CENPE: variants seen among roughly 807,000 people sequenced by gnomAD.
The protein encoded by CENPE is centromere-associated protein E.
CENPE carries 145 observed loss-of-function variants against 336.1 expected under a neutral mutation model. That is an observed-to-expected ratio of 0.43 (90% CI 0.38 to 0.50). CENPE has a LOEUF of 0.50. Among genes scored for constraint, CENPE ranks in the 20% least tolerant of loss-of-function variants. CENPE has a pLI of 0.00. For synonymous variants in CENPE, 1,013 were observed against 984.8 expected, an observed-to-expected ratio of 1.03 and a Z score of -0.54; for missense variants, 2,719 against 3,023.3, an observed-to-expected ratio of 0.90 and a Z score of 2.36.
intron 42 of CENPE, among the ~76,000 whole-genome samples, chr4:103,125,348 A>G (rs1410551522): frequency 6.6e-6 from 1 of 152,214 alleles, no homozygotes. Context: ...TGTTTTACCA[A>G]TGAAACAGAG....
intron 42 of CENPE, among the ~76,000 whole-genome samples, chr4:103,131,549 T>C (rs1751589054): frequency 6.6e-6 from 1 of 152,172 alleles, no homozygotes; most frequent in Non-Finnish European, 1.5e-5. Flanking sequence ...TCTGGCAGTT[T>C]ATTACAAAAC....
chr4:103,133,214 T>C (rs1395584088), intron 41 of CENPE, among the ~76,000 whole-genome samples: 1 of 151,966 alleles, frequency 6.6e-6, no homozygotes, highest in Non-Finnish European at 1.5e-5. Flanking sequence ...CTGAAGTGCA[T>C]CTTAATTTTT....
intron 8 of CENPE, among the ~76,000 whole-genome samples, chr4:103,186,318 G>T (rs1218148942): frequency 6.6e-6 from 1 of 152,074 alleles, no homozygotes; most frequent in Non-Finnish European, 1.5e-5. Flanking sequence ...CAAGAACCAG[G>T]CACAAAGATT....
At chr4:103,190,505 T>C (rs1340673198) in intron 8 of CENPE, among the ~76,000 whole-genome samples, 3 of 152,212 alleles carry the variant, frequency 2.0e-5, no homozygotes, top group African/African-American at 7.2e-5. Flanking sequence ...TACAACTATC[T>C]GATCTTTGAC....
In CENPE at chr4:103,141,419, AT is replaced by A. The variant is rs112222964; in HGVS notation, c.5464-316del. ...GACAGCCACTATTCTGACCTTTATC[AT>A]CCTGGTTCAGTTTTGCCTGCTTTTG... On this transcript the variant is annotated intron_variant, in intron 35 of 48. Coordinates refer to ENST00000265148, the MANE Select transcript of CENPE (RefSeq NM_001813.3). 0.014 allele frequency among the ~76,000 whole-genome samples: 2,072 copies of A among 152,258 alleles called. 39 individuals are homozygous for A. The highest frequency in any genetic ancestry group is 0.044 in the African/African-American group (1,843 of 41,554).
Position 103,138,438 on chromosome 4 carries a change from G to T in CENPE, c.6216C>A (p.Asn2072Lys). 5.0e-6 allele frequency: 8 copies of T among 1,612,648 alleles called. No homozygotes were observed. Among genetic ancestry groups the T allele is most frequent in the Non-Finnish European group, 6.8e-6 (8 of 1,178,792 alleles). The change falls in exon 39 of 49, where the codon AAC becomes AAA. Residue 2072 changes from asparagine (N) to lysine (K), a missense_variant. By Grantham distance (94) the Asn-to-Lys change is moderately conservative. This residue lies in a region of CENPE where 2,437 missense variants were observed against 2,513.3 expected (regional missense o/e 0.97). Transcript: ENST00000265148. The part of the protein sequence containing the change: ...LREMIARDRQ[N>K]HQVKPEKRLL... Reference sequence around the variant, plus strand: ...ACCTTTTTTCAGGTTTTACTTGGTGGTTCTGTCGGTCCTGCTTTGGTAAAA... The same window carrying T: ...ACCTTTTTTCAGGTTTTACTTGGTGTTTCTGTCGGTCCTGCTTTGGTAAAA...
At chr4:103,192,692 T>C (rs1757456094) in intron 8 of CENPE, among the ~76,000 whole-genome samples, 1 of 152,206 alleles carries the variant, frequency 6.6e-6, no homozygotes, top group African/African-American at 2.4e-5. Flanking sequence ...CTGGTTTTAC[T>C]GGAAATAAGG....
Position 103,122,945 on chromosome 4 carries a change from C to G in CENPE, c.7069G>C (p.Ala2357Pro). The change falls in exon 43 of 49, where the codon GCC (alanine) becomes CCC (proline). Residue 2357 changes from alanine to proline, a missense_variant. Ala to Pro is a conservative substitution (Grantham distance 27, BLOSUM62 -1). Transcript: ENST00000265148. Reference sequence around the variant, plus strand: ...TCTTGTGTGGTAGGATTAACCTGGGCACCAGATGCCAAGGAAGTCTTCAAT... The same window carrying G: ...TCTTGTGTGGTAGGATTAACCTGGGGACCAGATGCCAAGGAAGTCTTCAAT... ...QTLKTSLASG[A>P]QVNPTTQDNK... 1 of 1,613,956 alleles carries G rather than the reference C, an allele frequency of 6.2e-7. No individual in the cohort carries two copies. Among genetic ancestry groups the G allele is most frequent in the Non-Finnish European group, 8.5e-7 (1 of 1,179,870 alleles).
At chr4:103,108,349 G>A (rs922198560) in intron 48 of CENPE, among the ~76,000 whole-genome samples, 1 of 151,832 alleles carries the variant, frequency 6.6e-6, no homozygotes, top group African/African-American at 2.4e-5. Context: ...TGTGCCACCA[G>A]GATCTAATCC....
intron 13 of CENPE, among the ~76,000 whole-genome samples, chr4:103,179,409 C>A (rs1756148692): frequency 6.6e-6 from 1 of 152,184 alleles, no homozygotes; most frequent in Admixed American, 6.5e-5. Flanking sequence ...GCAAGGAATG[C>A]ATAATGTTTC....
chr4:103,196,025 GGCAAATATAGTACCT>G lies in CENPE; in HGVS notation c.239-2_251del. 6.2e-7 allele frequency: 1 copy of G among 1,612,548 alleles called. No individual in the cohort carries two copies. The highest frequency in any genetic ancestry group is 8.5e-7 in the Non-Finnish European group (1 of 1,178,706). The stretch of plus-strand genomic sequence containing the variant: ...TTTTTCCTGAAGCAGTCTGTCCATA[GGCAAATATAGTACCT>G]GCAAAAAACAAAACACACATACGCA... On this transcript the variant is annotated splice_acceptor_variant and coding_sequence_variant, in exon 4 of 49. Coordinates refer to ENST00000265148, the MANE Select transcript of CENPE (RefSeq NM_001813.3). LOFTEE classifies it high-confidence loss of function.
chr4:103,145,756 C>T, intron 30 of CENPE, 73 bp downstream of exon 30: 6 of 1,515,552 alleles, frequency 4.0e-6, no homozygotes, highest in Non-Finnish European at 4.4e-6. Context: ...CTCCCCTTTC[C>T]AAATATTTAG....
chr4:103,138,340 G>A lies in CENPE; in HGVS notation c.6303+11C>T, dbSNP rs766340058. On this transcript the variant is annotated intron_variant, in intron 39 of 48. Coordinates refer to ENST00000265148, the MANE Select transcript of CENPE (RefSeq NM_001813.3). Reference sequence around the variant, plus strand: ...CAATAATCATTTGTAGTTTTAACAGGGGGTACTTACTTTTATTCTAGAGCA... The same window carrying A: ...CAATAATCATTTGTAGTTTTAACAGAGGGTACTTACTTTTATTCTAGAGCA... 3.2e-6 allele frequency: 5 copies of A among 1,555,234 alleles called. No individual in the cohort carries two copies. The Admixed American group carries it at 5.0e-5, about 16-fold the overall frequency.
At chr4:103,124,008 T>G (rs1750876331) in intron 42 of CENPE, among the ~76,000 whole-genome samples, 1 of 152,204 alleles carries the variant, frequency 6.6e-6, no homozygotes, top group South Asian at 2.1e-4. Context: ...TTCATATAAC[T>G]TTTACTATAG....
intron 29 of CENPE, among the ~76,000 whole-genome samples, chr4:103,146,999 A>C (rs1753109504): frequency 6.6e-6 from 1 of 152,244 alleles, no homozygotes; most frequent in Admixed American, 6.5e-5. Context: ...TGACTAAAAC[A>C]ATGAGAAAGC....
rs781298329 is a variant in CENPE, at chr4:103,106,249, C to T, written c.8079G>A (p.Lys2693=). The part of the protein sequence containing the change: ...QPGPWHASSG[K]DVPECKTQ ...ACTGAGTTTTGCACTCAGGCACATC[C>T]TTGCCTGAGGAGGCGTGCCAAGGAC... Residue 2693 remains lysine, a synonymous_variant, in exon 49 of 49, where the codon AAG becomes AAA. Coordinates refer to ENST00000265148, the MANE Select transcript of CENPE (RefSeq NM_001813.3). The T allele has an allele frequency of 6.3e-7, 1 of 1,596,152 alleles. No homozygotes were observed. The highest frequency in any genetic ancestry group is 1.1e-5 in the South Asian group (1 of 87,214).
At chr4:103,152,878 T>C (rs1027083219) in intron 25 of CENPE, among the ~76,000 whole-genome samples, 169 bp downstream of exon 25, 19 of 152,270 alleles carry the variant, frequency 1.2e-4, no homozygotes, top group African/African-American at 4.3e-4. Context: ...TCTTCTATCT[T>C]GACTGGGGTG....
At chr4:103,153,901 A>T (rs1275543820) in intron 24 of CENPE, among the ~76,000 whole-genome samples, 1 of 152,174 alleles carries the variant, frequency 6.6e-6, no homozygotes, top group East Asian at 1.9e-4. Flanking sequence ...TTTGATAAAG[A>T]TCTATTTCAT....
At position 103,145,063 on chromosome 4, in the gene CENPE, T is replaced by G; in HGVS notation, c.4844A>C (p.Glu1615Ala). The change falls in exon 32 of 49, where the codon GAA becomes GCA. Residue 1615 changes from glutamate (E) to alanine (A), a missense_variant. Glu to Ala is a moderately radical substitution (Grantham distance 107, BLOSUM62 -1). Transcript: ENST00000265148. ...ATGGGAACTTACTTTAGCTACAATT[T>G]CTTTAGTGTTTTCTTTCAGTTGGTC... ...ERDQLKENTKEIVAKMKESQE... is the reference protein window; with the variant it reads ...ERDQLKENTKAIVAKMKESQE... 2 of 1,506,238 alleles carry G rather than the reference T, an allele frequency of 1.3e-6. No individual in the cohort carries two copies. The highest frequency in any genetic ancestry group is 1.8e-6 in the Non-Finnish European group (2 of 1,130,916). The allele number at this position is 1,506,238 out of a possible 1,614,324, so 93.3% of individuals were successfully genotyped here.
Sources: gnomAD v4.1 joint callset for allele counts (sites outside exome capture counted in the v4.1 genomes callset) on GRCh38, gnomAD v4.1.1 for gene constraint, gnomAD v4.1.1 regional missense constraint, MANE v1.5 for transcripts, NCBI Gene and HGNC (gene_info 2026-07-23, HGNC 2026-07-21) for gene names.